The following KANK1 variants were observed in gnomAD, a reference collection of about 807,000 sequenced individuals.
KANK1 encodes the protein KN motif and ankyrin repeat domain-containing protein 1.
KANK1 carries 109 observed loss-of-function variants against 106.2 expected under a neutral mutation model. The observed-to-expected ratio is 1.03, with a 90% CI of 0.88 to 1.20. KANK1 has a LOEUF of 1.20. Among genes scored for constraint, KANK1 ranks in the 50% most tolerant of loss-of-function variants. KANK1 has a pLI of 0.00. For synonymous variants in KANK1, 873 were observed against 652.2 expected, an observed-to-expected ratio of 1.34 and a Z score of -5.16; for missense variants, 2,399 against 1,710.7, an observed-to-expected ratio of 1.40 and a Z score of -7.10.
At chr9:667,160 G>C (rs1044400824) in intron 1 of KANK1, among the ~76,000 whole-genome samples, 1 of 151,470 alleles carries the variant, frequency 6.6e-6, no homozygotes, top group Non-Finnish European at 1.5e-5. Flanking sequence ...CTCTTTCTTC[G>C]TGGTTCAATT....
chr9:575,487 G>T (rs561342110), intron 1 of KANK1, among the ~76,000 whole-genome samples: 95 of 140,934 alleles, frequency 6.7e-4, no homozygotes, highest in African/African-American at 2.5e-3. Context: ...GGGCAACATA[G>T]CAAGACCCTG....
At chr9:729,310 CAGG>C (rs1199100865) in intron 3 of KANK1, among the ~76,000 whole-genome samples, 2 of 152,098 alleles carry the variant, frequency 1.3e-5, no homozygotes, top group African/African-American at 4.8e-5. Flanking sequence ...CACAGATCCC[CAGG>C]AGAAGGTACA....
At chr9:670,160 G>T (rs572125095) in intron 1 of KANK1, among the ~76,000 whole-genome samples, 1 of 152,222 alleles carries the variant, frequency 6.6e-6, no homozygotes, top group South Asian at 2.1e-4. Context: ...CTGAGTTTCT[G>T]TGAAACTGCT....
At chr9:672,667 TTTTTATCAAAG>T (rs1308535782) in intron 1 of KANK1, among the ~76,000 whole-genome samples, 1 of 152,206 alleles carries the variant, frequency 6.6e-6, no homozygotes, top group African/African-American at 2.4e-5. Flanking sequence ...CATTGGTGTA[TTTTTATCAAAG>T]TTCTAGTGTG....
chr9:696,794 A>G (rs1821416940), intron 2 of KANK1, among the ~76,000 whole-genome samples: 1 of 152,124 alleles, frequency 6.6e-6, no homozygotes, highest in Middle Eastern at 3.4e-3. Flanking sequence ...CAAATGTAAA[A>G]TTTCTCAAAT....
At chr9:670,958 T>G (rs1236131626) in intron 1 of KANK1, among the ~76,000 whole-genome samples, 1,509 of 144,448 alleles carry the variant, frequency 0.01, 6 homozygotes, top group Non-Finnish European at 0.018. Flanking sequence ...AGTTTTTTTT[T>G]TTTTTTTTTT....
chr9:731,271 G>C lies in KANK1; in HGVS notation c.3005+5G>C. The stretch of plus-strand genomic sequence containing the variant: ...GTTTGTTGGCATTAATGGAGGGTAA[G>C]GAAAGATGGTGGTTCTAGAGGCTAA... On this transcript the variant is annotated splice_donor_5th_base_variant and intron_variant, in intron 5 of 11. Transcript: ENST00000382297. 1.3e-6 allele frequency: 2 copies of C among 1,546,490 alleles called. No individual in the cohort carries two copies. The highest frequency in any genetic ancestry group is 1.8e-6 in the Non-Finnish European group (2 of 1,119,698).
chr9:605,114 C>T (rs1057413190), intron 1 of KANK1, among the ~76,000 whole-genome samples: 1 of 151,298 alleles, frequency 6.6e-6, no homozygotes, highest in Non-Finnish European at 1.5e-5. Context: ...CCAGCCTGAC[C>T]AACATGATGA....
intron 1 of KANK1, among the ~76,000 whole-genome samples, chr9:639,500 A>G (rs1343654932): frequency 2.6e-5 from 4 of 151,952 alleles, no homozygotes; most frequent in African/African-American, 4.8e-5. Context: ...TATTCTTAGT[A>G]GAGACAGGGT....
At chr9:531,647 T>C (rs1372264178) in intron 1 of KANK1, among the ~76,000 whole-genome samples, 1 of 152,216 alleles carries the variant, frequency 6.6e-6, no homozygotes, top group Non-Finnish European at 1.5e-5. Flanking sequence ...ACAGCATCAG[T>C]AGTTAACTGG....
chr9:511,995 A>C (rs935897230), intron 1 of KANK1, among the ~76,000 whole-genome samples: 15 of 151,214 alleles, frequency 9.9e-5, no homozygotes, highest in Admixed American at 7.2e-4. Context: ...GTGCTGGTCC[A>C]CTGGCTCCAA....
At chr9:648,720 C>A (rs1156497777) in intron 1 of KANK1, among the ~76,000 whole-genome samples, 1 of 152,030 alleles carries the variant, frequency 6.6e-6, no homozygotes, top group Non-Finnish European at 1.5e-5. Context: ...TTATCTGTTG[C>A]GGGGGAGAGT....
chr9:618,475 T>G (rs1563870877), intron 1 of KANK1, among the ~76,000 whole-genome samples: 1 of 152,190 alleles, frequency 6.6e-6, no homozygotes, highest in East Asian at 1.9e-4. Flanking sequence ...CCCAAAGTGC[T>G]TAGATTACAG....
chr9:558,029 A>G (rs1382368724), intron 1 of KANK1, among the ~76,000 whole-genome samples: 1 of 152,186 alleles, frequency 6.6e-6, no homozygotes, highest in Admixed American at 6.5e-5. Flanking sequence ...AACCTATACG[A>G]ACAATGGTAG....
intron 1 of KANK1, among the ~76,000 whole-genome samples, chr9:633,447 G>C (rs941244567): frequency 6.6e-6 from 1 of 152,062 alleles, no homozygotes; most frequent in Non-Finnish European, 1.5e-5. Flanking sequence ...GACAGAGCGA[G>C]ACTCCGTCTC....
chr9:714,651 C>G (rs984918315), intron 3 of KANK1, among the ~76,000 whole-genome samples: 1 of 152,188 alleles, frequency 6.6e-6, no homozygotes, highest in Admixed American at 6.5e-5. Context: ...AGCCACCACA[C>G]CTGGCCCGAT....
Position 532,712 on chromosome 9 carries a change from T to C in KANK1, c.-84+27958T>C, listed in dbSNP as rs143830177. Reference sequence around the variant, plus strand: ...TAAGCCTTACCCTGGGAATAAAATATAGCCTTTATCACTGTTTTTGGAATA... The same window carrying C: ...TAAGCCTTACCCTGGGAATAAAATACAGCCTTTATCACTGTTTTTGGAATA... On this transcript the variant is annotated intron_variant, in intron 1 of 11. Coordinates refer to ENST00000382297, the MANE Select transcript of KANK1 (RefSeq NM_015158.5). Among the ~76,000 whole-genome samples the C allele has an allele frequency of 3.0e-3, 451 of 152,354 alleles. 1 individual carries two copies. Among genetic ancestry groups the C allele is most frequent in the African/African-American group, 6.6e-3 (273 of 41,592 alleles).
intron 1 of KANK1, among the ~76,000 whole-genome samples, chr9:669,188 TGATA>T (rs1258984916): frequency 6.6e-6 from 1 of 152,240 alleles, no homozygotes; most frequent in East Asian, 1.9e-4. Context: ...TTAGGGTTTT[TGATA>T]GATTTGTCTT....
rs1820469504 is a variant in KANK1 at position 693,421 on chromosome 9, A to C, written c.37+16412A>C. On this transcript the variant is annotated intron_variant, in intron 2 of 11. Coordinates refer to ENST00000382297, the MANE Select transcript of KANK1 (RefSeq NM_015158.5). ...TTTGCTGCCTTTCTGATTTCTTCCT[A>C]GAATTAACAGGCTTACAGCTGCATT... The C allele has an allele frequency of 2.0e-6, 2 of 985,320 alleles. 1 individual carries two copies. The highest frequency in any genetic ancestry group is 3.5e-5 in the African/African-American group (2 of 57,238). 61.0% of individuals were successfully genotyped at this position (985,320 alleles called of 1,614,324 possible).
Sources: gnomAD v4.1 joint callset for allele counts (sites outside exome capture counted in the v4.1 genomes callset) on GRCh38, gnomAD v4.1.1 for gene constraint, MANE v1.5 for transcripts, NCBI Gene and HGNC (gene_info 2026-07-23, HGNC 2026-07-21) for gene names.